Variants in GTPBP1 observed in about 807,000 individuals in gnomAD.
The protein encoded by GTPBP1 is GTP binding protein 1.
In GTPBP1, 23 loss-of-function variants were observed where a neutral mutation model predicts 62.0. The observed-to-expected ratio is 0.37, with a 90% CI of 0.27 to 0.53. The LOEUF is 0.53. Among genes scored for constraint, GTPBP1 ranks in the 20% least tolerant of loss-of-function variants. The pLI is 0.89. For missense variants in GTPBP1, 640 were observed against 917.3 expected (o/e 0.70, Z 3.90); for synonymous variants, 344 against 364.4 (o/e 0.94, Z 0.64).
intron 5 of GTPBP1, chr22:38,722,594 A>G: frequency 9.3e-7 from 1 of 1,074,512 alleles, no homozygotes; most frequent in Non-Finnish European, 1.3e-6. Flanking sequence ...CCATGTTTAA[A>G]AGGCCTTAGC....
downstream of GTPBP1, chr22:38,739,747 T>A: frequency 3.7e-6 from 6 of 1,613,654 alleles, no homozygotes; most frequent in Non-Finnish European, 5.1e-6. The surrounding 1 kb of genome is among the most constrained non-coding windows in gnomAD (Gnocchi z 6.7). Flanking sequence ...AATCACACCT[T>A]CTTTCTGCAG....
downstream of GTPBP1, chr22:38,739,894 C>A (rs1363733396): frequency 6.2e-7 from 1 of 1,613,110 alleles, no homozygotes; most frequent in Admixed American, 1.7e-5. The surrounding 1 kb of genome is among the most constrained non-coding windows in gnomAD (Gnocchi z 6.7). Context: ...GCGGCCCCCT[C>A]CACCTCGGGC....
At chr22:38,720,488 C>G (rs973850417) in intron 4 of GTPBP1, among the ~76,000 whole-genome samples, 4 of 152,122 alleles carry the variant, frequency 2.6e-5, no homozygotes, top group Admixed American at 6.5e-5. Context: ...CCTTGGCCTC[C>G]CAAAGTGCTG....
At chr22:38,728,286 C>G in intron 10 of GTPBP1, 125 bp downstream of exon 10, 1 of 688,508 alleles carries the variant, frequency 1.5e-6, no homozygotes, top group East Asian at 2.7e-5. Context: ...TGAGGTGTGG[C>G]CTCGGTGCCA....
chr22:38,723,217 A>G, intron 5 of GTPBP1: 1 of 1,031,212 alleles, frequency 9.7e-7, no homozygotes, highest in Non-Finnish European at 1.5e-6. Context: ...GAAGAAAAGC[A>G]CCAAATTATT....
At position 38,726,038 on chromosome 22, in the gene GTPBP1, C is replaced by T. The variant is rs760132035; in HGVS notation, c.1106C>T (p.Thr369Ile). 1.2e-6 allele frequency: 2 copies of T among 1,614,050 alleles called. No homozygotes were observed. Among genetic ancestry groups the T allele is most frequent in the South Asian group, 2.2e-5 (2 of 91,070 alleles). Residue 369 changes from threonine (T) to isoleucine (I), a missense_variant, in exon 7 of 12, where the codon ACA becomes ATA. Thr to Ile is a moderately conservative substitution (Grantham distance 89). Around this residue, in one of 4 missense-constraint regions of GTPBP1, gnomAD observed 220 missense variants for 358.1 expected, o/e 0.61. Coordinates refer to ENST00000216044, the MANE Select transcript of GTPBP1 (RefSeq NM_004286.5). This position sits in a 1 kb window ranked among gnomAD's most constrained non-coding sequence, Gnocchi z 4.1. ...MCPIFQISNV[T>I]GENLDLLKMF... ...CCGATATTCCAGATCTCCAACGTTA[C>T]AGGCGAGAACCTAGATCTGCTGAAG...
At chr22:38,729,277 G>C (rs1037754416) in intron 10 of GTPBP1, 185 bp from the exon 11 acceptor site, 1 of 528,454 alleles carries the variant, frequency 1.9e-6, no homozygotes, top group African/African-American at 2.0e-5. Context: ...CACTGAGTGG[G>C]GATGAGAATG....
chr22:38,736,225 A>C, downstream of GTPBP1: 1 of 1,573,828 alleles, frequency 6.4e-7, no homozygotes, highest in Non-Finnish European at 8.7e-7. Context: ...GGTGCTGTTC[A>C]CCCACTCCCA....
At chr22:38,738,367 G>A (rs1336663988), downstream of GTPBP1, 10 of 1,183,424 alleles carry the variant, frequency 8.5e-6, no homozygotes, top group Non-Finnish European at 1.2e-5. This position sits in a 1 kb window ranked among gnomAD's most constrained non-coding sequence, Gnocchi z 6.6. Flanking sequence ...AGGCACCAGA[G>A]TGGCCTATGA....
downstream of GTPBP1, chr22:38,735,186 CA>C (rs2092792067): frequency 4.4e-6 from 2 of 449,690 alleles, no homozygotes; most frequent in African/African-American, 4.0e-5. Flanking sequence ...TAACTTCTGC[CA>C]GCCTCTTCCC....
In GTPBP1 at chr22:38,727,950, C is replaced by G. The variant is rs1246114926; in HGVS notation, c.1538-33C>G. ...GTTGTCCTGAAGCCACCAGGTGGCT[C>G]CAGCCTATCCTGACCTCTGGCTTCC... On this transcript the variant is annotated intron_variant, in intron 9 of 11. Transcript: ENST00000216044. This position sits in a 1 kb window ranked among gnomAD's most constrained non-coding sequence, Gnocchi z 6.5. 4 of 1,572,784 alleles carry G rather than the reference C, an allele frequency of 2.5e-6. No individual in the cohort carries two copies. In the African/African-American group the frequency reaches 5.4e-5, roughly 21 times the overall value.
In GTPBP1 at chr22:38,730,505, C is replaced by T; in HGVS notation, c.1918-107C>T. 2.6e-6 allele frequency: 2 copies of T among 781,984 alleles called. No individual in the cohort carries two copies. Among genetic ancestry groups the T allele is most frequent in the Admixed American group, 4.0e-5 (2 of 50,152 alleles). The allele number at this position is 781,984 out of a possible 1,614,324, so 48.4% of individuals were successfully genotyped here. A position where few individuals can be genotyped will look rare whatever the true frequency, so the allele number is the denominator to read the frequency against. ...TCAGGCTAGGGTGAGGACCACGCAGCCTGCTCACGCATCTTCCGTCCCTGT... is the reference window on the plus strand; with the variant it reads ...TCAGGCTAGGGTGAGGACCACGCAGTCTGCTCACGCATCTTCCGTCCCTGT... On this transcript the variant is annotated intron_variant, in intron 11 of 11. Coordinates refer to ENST00000216044, the MANE Select transcript of GTPBP1 (RefSeq NM_004286.5). The surrounding 1 kb of genome is among the most constrained non-coding windows in gnomAD (Gnocchi z 5.6).
rs901863625 is a variant in GTPBP1 at position 38,727,681 on chromosome 22, A to G, written c.1538-302A>G. Among the ~76,000 whole-genome samples the G allele has an allele frequency of 6.6e-6, 1 of 152,200 alleles. No homozygotes were observed. Among genetic ancestry groups the G allele is most frequent in the Non-Finnish European group, 1.5e-5 (1 of 68,020 alleles). ...TAGATGGGCAAGGATCCTTCCCCGCAGAAGCCCACAGTCCAGCGAGGAGGT... is the reference window on the plus strand; with the variant it reads ...TAGATGGGCAAGGATCCTTCCCCGCGGAAGCCCACAGTCCAGCGAGGAGGT... On this transcript the variant is annotated intron_variant, in intron 9 of 11. Coordinates refer to ENST00000216044, the MANE Select transcript of GTPBP1 (RefSeq NM_004286.5). This position sits in a 1 kb window ranked among gnomAD's most constrained non-coding sequence, Gnocchi z 6.5.
At position 38,726,561 on chromosome 22, in the gene GTPBP1, C is replaced by A; in HGVS notation, c.1401+121C>A. ...TCTGCAAGGTCGGGATTACTGGCTT[C>A]ATTTTTACAGATGAGGAAACTGAGG... On this transcript the variant is annotated intron_variant, in intron 8 of 11. Transcript: ENST00000216044. This position sits in a 1 kb window ranked among gnomAD's most constrained non-coding sequence, Gnocchi z 4.1. The A allele has an allele frequency of 3.7e-6, 3 of 819,996 alleles. No homozygotes were observed. The highest frequency in any genetic ancestry group is 5.8e-6 in the Non-Finnish European group (3 of 514,188). 50.8% of individuals were successfully genotyped at this position (819,996 alleles called of 1,614,324 possible).
Position 38,716,593 on chromosome 22 carries a change from C to T in GTPBP1, c.486-59C>T, listed in dbSNP as rs1158201239. ...ATCCAATTACTGGGGTTATGATGGT[C>T]GCTCCACCTCACTCATTCACTAACT... On this transcript the variant is annotated intron_variant, in intron 3 of 11. Transcript: ENST00000216044. The surrounding 1 kb of genome is among the most constrained non-coding windows in gnomAD (Gnocchi z 5.2). 12 of 1,246,376 alleles carry T rather than the reference C, an allele frequency of 9.6e-6. No individual in the cohort carries two copies. The highest frequency in any genetic ancestry group is 4.0e-5 in the South Asian group (3 of 74,320). 77.2% of individuals were successfully genotyped at this position (1,246,376 alleles called of 1,614,324 possible). A position where few individuals can be genotyped will look rare whatever the true frequency, so the allele number is the denominator to read the frequency against.
At chr22:38,718,680 C>T (rs1024607728) in intron 4 of GTPBP1, among the ~76,000 whole-genome samples, 16 of 152,306 alleles carry the variant, frequency 1.1e-4, no homozygotes, top group Middle Eastern at 3.4e-3. Flanking sequence ...CCGTGACACA[C>T]TGGAATGGAT....
downstream of GTPBP1, chr22:38,736,280 T>A: frequency 6.2e-7 from 1 of 1,612,954 alleles, no homozygotes; most frequent in Non-Finnish European, 8.5e-7. Context: ...GTGGGCGGGC[T>A]CCCCATGCAC....
downstream of GTPBP1, chr22:38,741,663 G>C: frequency 8.1e-7 from 1 of 1,230,522 alleles, no homozygotes; most frequent in Non-Finnish European, 1.2e-6. Context: ...ATTCAAACAA[G>C]GTCTGTTTGC....
chr22:38,716,368 C>G lies in GTPBP1; in HGVS notation c.485+281C>G, dbSNP rs1348134637. 5 of 585,710 alleles carry G rather than the reference C, an allele frequency of 8.5e-6. No individual in the cohort carries two copies. The East Asian group carries it at 8.5e-5, about 10-fold the overall frequency. 36.3% of individuals were successfully genotyped at this position (585,710 alleles called of 1,614,324 possible). On this transcript the variant is annotated intron_variant, in intron 3 of 11. Transcript: ENST00000216044. The surrounding 1 kb of genome is among the most constrained non-coding windows in gnomAD (Gnocchi z 5.2). ...TGGAAACCAGGGTCATGGAGAAGAG[C>G]CTTTTGTGCCTCTGGTAGCCTTGCG... is the stretch of plus-strand genomic sequence containing the variant.
Sources: allele counts gnomAD v4.1 joint callset (sites outside exome capture counted in the v4.1 genomes callset), GRCh38; gene constraint gnomAD v4.1.1; regional missense constraint gnomAD v4.1.1; non-coding constraint Gnocchi (gnomAD v3.1); transcripts MANE v1.5; gene names NCBI Gene and HGNC (gene_info 2026-07-23, HGNC 2026-07-21).